The following PSMD3 variants were observed in gnomAD, a reference collection of about 807,000 sequenced individuals.
PSMD3 encodes 26S proteasome non-ATPase regulatory subunit 3.
Under a neutral mutation model 62.8 loss-of-function variants are expected in PSMD3, and 5 were observed. The ratio of observed to expected loss-of-function variants is 0.08; its 90% CI spans 0.04 to 0.17. The LOEUF (loss-of-function observed/expected upper bound fraction) is 0.17. PSMD3 is among the 10% of genes least tolerant of loss of function. The pLI, the probability that PSMD3 is intolerant of heterozygous loss-of-function variation, is 1.00. For synonymous variants in PSMD3, 265 were observed against 283.9 expected (o/e 0.93, Z 0.67); for missense variants, 524 against 713.6 (o/e 0.73, Z 3.03).
Position 39,995,553 on chromosome 17 carries a change from G to T in PSMD3, c.1320+26G>T. ...GTGGGGCTGGTTCAGGAACCACAGT[G>T]ACCAGGTTGTCACTTTCCTGCCAAT... On this transcript the variant is annotated intron_variant, in intron 9 of 11. Transcript: ENST00000264639. The surrounding 1 kb of genome is among the most constrained non-coding windows in gnomAD (Gnocchi z 4.1). 1 of 1,585,720 alleles carries T rather than the reference G, an allele frequency of 6.3e-7. No individual in the cohort carries two copies. Among genetic ancestry groups the T allele is most frequent in the South Asian group, 1.1e-5 (1 of 90,402 alleles).
chr17:39,985,768 G>A (rs762793623), intron 2 of PSMD3, among the ~76,000 whole-genome samples: 2 of 152,210 alleles, frequency 1.3e-5, no homozygotes, highest in African/African-American at 2.4e-5. Flanking sequence ...GGGGGTGACT[G>A]TAACACATTA....
chr17:39,986,384 CCA>C (rs1980524312), intron 2 of PSMD3, among the ~76,000 whole-genome samples, 189 bp from the exon 3 acceptor site: 1 of 152,242 alleles, frequency 6.6e-6, no homozygotes, highest in Non-Finnish European at 1.5e-5. Context: ...GCGTGAGCCA[CCA>C]CACCCAGCTC....
intron 6 of PSMD3, 52 bp from the exon 7 acceptor site, chr17:39,994,902 C>A: frequency 1.3e-6 from 2 of 1,513,590 alleles, no homozygotes; most frequent in Non-Finnish European, 1.8e-6. Flanking sequence ...TCATTTTCTT[C>A]TTCCGCCCAT....
At position 39,990,119 on chromosome 17, in the gene PSMD3, G is replaced by A; in HGVS notation, c.903G>A (p.Glu301=). Residue 301 remains glutamate, a synonymous_variant, in exon 6 of 12, where the codon GAG becomes GAA. Transcript: ENST00000264639. The part of the protein sequence containing the change: ...YTGRIKAIQL[E]YSEARRTMTN... ...GGCGAATCAAAGCCATCCAGCTGGA[G>A]TACTCAGAGGCCCGGAGAACGATGA... is the stretch of plus-strand genomic sequence containing the variant. 6.2e-7 allele frequency: 1 copy of A among 1,614,026 alleles called. No individual in the cohort carries two copies. Among genetic ancestry groups the A allele is most frequent in the Non-Finnish European group, 8.5e-7 (1 of 1,179,974 alleles).
chr17:39,994,829 T>C (rs1332619325), intron 6 of PSMD3, 125 bp from the exon 7 acceptor site: 2 of 788,838 alleles, frequency 2.5e-6, no homozygotes, highest in Non-Finnish European at 4.1e-6. Flanking sequence ...CTCCTCTCTC[T>C]GGGCCTAAAC....
intron 6 of PSMD3, among the ~76,000 whole-genome samples, chr17:39,992,739 A>G (rs1980688389): frequency 6.6e-6 from 1 of 151,676 alleles, no homozygotes. Flanking sequence ...AGTCTCCGGG[A>G]AGAAAACCCC....
At chr17:39,982,756 G>T (rs1385183413) in intron 1 of PSMD3, among the ~76,000 whole-genome samples, 5 of 152,160 alleles carry the variant, frequency 3.3e-5, no homozygotes, top group Non-Finnish European at 1.5e-5. Context: ...ATATACAGAA[G>T]TGCCTAAGAA....
chr17:39,981,034 G>A lies in PSMD3; in HGVS notation c.64G>A (p.Gly22Arg). The A allele has an allele frequency of 6.5e-7, 1 of 1,549,430 alleles. No homozygotes were observed. Among genetic ancestry groups the A allele is most frequent in the Non-Finnish European group, 8.7e-7 (1 of 1,146,664 alleles). Residue 22 changes from glycine (G) to arginine (R), a missense_variant, in exon 1 of 12, where the codon GGA (glycine) becomes AGA (arginine). Physicochemically the swap from Gly to Arg is moderately radical, Grantham distance 125. Transcript: ENST00000264639. ...ADKAKPPPGGGEQEPPPPPAP... is the reference protein window; with the variant it reads ...ADKAKPPPGGREQEPPPPPAP... Reference sequence around the variant, plus strand: ...CAAGGCGAAACCGCCGCCCGGCGGAGGAGAACAAGAACCCCCACCGCCGCC... The same window carrying A: ...CAAGGCGAAACCGCCGCCCGGCGGAAGAGAACAAGAACCCCCACCGCCGCC...
In PSMD3 at chr17:39,995,086, A is replaced by C. The variant is rs1403449819; in HGVS notation, c.1096+18A>C. The C allele has an allele frequency of 1.2e-6, 2 of 1,613,464 alleles. No individual in the cohort carries two copies. The highest frequency in any genetic ancestry group is 1.7e-6 in the Non-Finnish European group (2 of 1,179,812). ...GACTCAAGGTAAGGCTGGCTTCCCCACCCCAGAGCCCACTAGGCCCCCTTC... is the reference window on the plus strand; with the variant it reads ...GACTCAAGGTAAGGCTGGCTTCCCCCCCCCAGAGCCCACTAGGCCCCCTTC... On this transcript the variant is annotated intron_variant, in intron 7 of 11. Coordinates refer to ENST00000264639, the MANE Select transcript of PSMD3 (RefSeq NM_002809.4). This position sits in a 1 kb window ranked among gnomAD's most constrained non-coding sequence, Gnocchi z 4.1.
intron 2 of PSMD3, among the ~76,000 whole-genome samples, chr17:39,985,796 G>A (rs1980512398): frequency 6.6e-6 from 1 of 152,200 alleles, no homozygotes; most frequent in African/African-American, 2.4e-5. Context: ...CAGTGTCAGT[G>A]ACAACATAGG....
In PSMD3 at chr17:39,997,352, C is replaced by T. The variant is rs766734676; in HGVS notation, c.1499C>T (p.Ser500Leu). ...CAGGCCATGAGGTTTCCTCCCAAATCGTACAACAAGGACTTGGAGTCTGCA... is the reference window on the plus strand; with the variant it reads ...CAGGCCATGAGGTTTCCTCCCAAATTGTACAACAAGGACTTGGAGTCTGCA... ...SVKAMRFPPK[S>L]YNKDLESAEE... Residue 500 changes from serine to leucine, a missense_variant, in exon 11 of 12, where the codon TCG becomes TTG. Around this residue, in one of 4 missense-constraint regions of PSMD3, gnomAD observed 20 missense variants for 55.1 expected, o/e 0.36. Coordinates refer to ENST00000264639, the MANE Select transcript of PSMD3 (RefSeq NM_002809.4). The T allele has an allele frequency of 2.5e-6, 4 of 1,614,216 alleles. No individual in the cohort carries two copies. Among genetic ancestry groups the T allele is most frequent in the East Asian group, 2.2e-5 (1 of 44,886 alleles).
In PSMD3 at chr17:39,997,377, A is replaced by G; in HGVS notation, c.1524A>G (p.Ala508=). The change falls in exon 11 of 12, where the codon GCA becomes GCG. Residue 508 remains alanine, a synonymous_variant. Transcript: ENST00000264639. ...PKSYNKDLES[A]EERREREQQD... is the part of the protein sequence containing the mutation. Reference sequence around the variant, plus strand: ...CGTACAACAAGGACTTGGAGTCTGCAGAGGTAAGCTCTCTGCTTTCTGGGT... The same window carrying G: ...CGTACAACAAGGACTTGGAGTCTGCGGAGGTAAGCTCTCTGCTTTCTGGGT... 2 of 1,614,180 alleles carry G rather than the reference A, an allele frequency of 1.2e-6. No individual in the cohort carries two copies. Among genetic ancestry groups the G allele is most frequent in the Non-Finnish European group, 1.7e-6 (2 of 1,180,022 alleles).
In PSMD3 at chr17:39,986,952, C is replaced by T. The variant is rs531066156; in HGVS notation, c.549+240C>T. Among the ~76,000 whole-genome samples, 44 of 152,204 alleles carry T rather than the reference C, an allele frequency of 2.9e-4. No homozygotes were observed. The South Asian group carries it at 8.1e-3, about 28-fold the overall frequency. On this transcript the variant is annotated intron_variant, in intron 3 of 11. Coordinates refer to ENST00000264639, the MANE Select transcript of PSMD3 (RefSeq NM_002809.4). ...TGTACCGGTCTGTGGGGGATACCAG[C>T]GTAGTACATTCTTGGGGAAAAGTAG...
intron 4 of PSMD3, 88 bp downstream of exon 4, chr17:39,988,907 G>C: frequency 6.6e-7 from 1 of 1,516,454 alleles, no homozygotes; most frequent in Non-Finnish European, 9.0e-7. Context: ...TGCAGAGGGC[G>C]AAGAACCTGT....
intron 3 of PSMD3, among the ~76,000 whole-genome samples, chr17:39,988,332 C>T (rs113467848): frequency 0.027 from 4,046 of 152,188 alleles, 199 homozygotes; most frequent in African/African-American, 0.093. Flanking sequence ...AATTACACAC[C>T]GTGTGCCCTT....
rs1598315504 is a variant in PSMD3 at position 39,996,058 on chromosome 17, G to T, written c.1321-125G>T. 2.5e-6 allele frequency: 3 copies of T among 1,179,532 alleles called. No homozygotes were observed. In the East Asian group the frequency reaches 7.3e-5, roughly 29 times the overall value. 73.1% of individuals were successfully genotyped at this position (1,179,532 alleles called of 1,614,324 possible). A position where few individuals can be genotyped will look rare whatever the true frequency, so the allele number is the denominator to read the frequency against. Reference sequence around the variant, plus strand: ...CGCTTGAACCCGGGAGGTAAAGGTTGCAGTGAGCTGAGATCGCACCACCGC... The same window carrying T: ...CGCTTGAACCCGGGAGGTAAAGGTTTCAGTGAGCTGAGATCGCACCACCGC... On this transcript the variant is annotated intron_variant, in intron 9 of 11. Transcript: ENST00000264639. The surrounding 1 kb of genome is among the most constrained non-coding windows in gnomAD (Gnocchi z 5.1).
chr17:39,996,268 C>T lies in PSMD3; in HGVS notation c.1406C>T (p.Thr469Ile), dbSNP rs765783389. The T allele has an allele frequency of 1.2e-6, 2 of 1,614,090 alleles. No homozygotes were observed. The highest frequency in any genetic ancestry group is 1.7e-6 in the Non-Finnish European group (2 of 1,180,014). Residue 469 changes from threonine to isoleucine, a missense_variant, in exon 10 of 12, where the codon ACC (threonine) becomes ATC (isoleucine). Physicochemically the swap from Thr to Ile is moderately conservative, Grantham distance 89. Around this residue, in one of 4 missense-constraint regions of PSMD3, gnomAD observed 76 missense variants for 97.3 expected, o/e 0.78. Transcript: ENST00000264639. This position sits in a 1 kb window ranked among gnomAD's most constrained non-coding sequence, Gnocchi z 5.1. The part of the protein sequence containing the change: ...QSKEMIDIYS[T>I]REPQLAFHQR... ...AAGGAGATGATTGACATCTATTCCA[C>T]CCGAGAGCCCCAGCTAGCCTTCCAC...
In PSMD3 at chr17:39,984,308, G is replaced by A. The variant is rs1471355001; in HGVS notation, c.235G>A (p.Val79Met). 6 of 1,611,040 alleles carry A rather than the reference G, an allele frequency of 3.7e-6. No homozygotes were observed. Among genetic ancestry groups the A allele is most frequent in the South Asian group, 1.1e-5 (1 of 90,942 alleles). The change falls in exon 2 of 12, where the codon GTG becomes ATG. Residue 79 changes from valine (V) to methionine (M), a missense_variant. Coordinates refer to ENST00000264639, the MANE Select transcript of PSMD3 (RefSeq NM_002809.4). ...TVTLEDIKEH[V>M]KQLEKAVSGK... ...CTCTTCTTCAGACATCAAGGAGCAC[G>A]TGAAACAGCTAGAGAAAGCGGTTTC...
At chr17:39,990,010 GA>G (rs3217173) in intron 5 of PSMD3, 81 bp downstream of exon 5, 594,304 of 1,590,228 alleles carry the variant, frequency 0.37, 112,924 homozygotes, top group East Asian at 0.49. Context: ...TGGTGCATAA[GA>G]GGCCCATTTG....
Sources: allele counts gnomAD v4.1 joint callset (sites outside exome capture counted in the v4.1 genomes callset), GRCh38; gene constraint gnomAD v4.1.1; regional missense constraint gnomAD v4.1.1; non-coding constraint Gnocchi (gnomAD v3.1); transcripts MANE v1.5; gene names NCBI Gene and HGNC (gene_info 2026-07-23, HGNC 2026-07-21).